The following ZNF516 variants were observed in gnomAD, a reference collection of about 807,000 sequenced individuals.
ZNF516 encodes the protein zinc finger protein 516.
Under a neutral mutation model 79.7 loss-of-function variants are expected in ZNF516, and 19 were observed. The observed-to-expected ratio is 0.24, with a 90% CI of 0.17 to 0.35. ZNF516 has a LOEUF of 0.35. ZNF516 is among the 10% of genes least tolerant of loss of function. ZNF516 has a pLI of 1.00. For missense variants in ZNF516, 1,678 were observed against 1,679.5 expected (o/e 1.00, Z 0.02); for synonymous variants, 877 against 739.5 (o/e 1.19, Z -3.02).
chr18:76,455,974 C>A (rs1912699754), intron 2 of ZNF516, among the ~76,000 whole-genome samples: 1 of 152,110 alleles, frequency 6.6e-6, no homozygotes, highest in Non-Finnish European at 1.5e-5. Context: ...ATTGTTACCT[C>A]CCTGTTCCCC....
intron 1 of ZNF516, among the ~76,000 whole-genome samples, chr18:76,478,206 C>T (rs1263247523): frequency 1.3e-5 from 2 of 152,090 alleles, no homozygotes; most frequent in South Asian, 4.1e-4. Context: ...ATGAAGACTG[C>T]GGAGAGGAGA....
rs188854108 is a variant in ZNF516 at position 76,423,226 on chromosome 18, A to T, written c.1810+18019T>A. 1.2e-4 allele frequency among the ~76,000 whole-genome samples: 18 copies of T among 152,390 alleles called. No individual in the cohort carries two copies. In the East Asian group the frequency reaches 3.5e-3, roughly 29 times the overall value. On this transcript the variant is annotated intron_variant, in intron 3 of 6. Transcript: ENST00000443185. ...AAAACAGCCACAAGTTTTACAAGCT[A>T]GGAAAGGAAAAGCTGCACAGATCAA...
At chr18:76,429,789 A>G (rs896550592) in intron 3 of ZNF516, among the ~76,000 whole-genome samples, 11 of 152,216 alleles carry the variant, frequency 7.2e-5, no homozygotes, top group Non-Finnish European at 1.0e-4. Flanking sequence ...TGATGCGCCG[A>G]GCAGTGGCTA....
At chr18:76,375,566 G>A (rs528591723) in intron 4 of ZNF516, among the ~76,000 whole-genome samples, 30 of 151,630 alleles carry the variant, frequency 2.0e-4, no homozygotes, top group African/African-American at 5.1e-4. Context: ...ACAAGGTCCC[G>A]GAGACCAGGG....
At chr18:76,425,310 G>A (rs1242677296) in intron 3 of ZNF516, among the ~76,000 whole-genome samples, 1 of 152,228 alleles carries the variant, frequency 6.6e-6, no homozygotes, top group Non-Finnish European at 1.5e-5. Context: ...TGCAAGCACA[G>A]GACACAGAAT....
intron 3 of ZNF516, among the ~76,000 whole-genome samples, chr18:76,426,227 G>A (rs1251346610): frequency 2.0e-5 from 3 of 152,194 alleles, no homozygotes; most frequent in Non-Finnish European, 4.4e-5. Flanking sequence ...AGCAAACTCT[G>A]AAGGGTCTCC....
chr18:76,406,766 CTT>C (rs1282224918), intron 3 of ZNF516, among the ~76,000 whole-genome samples: 1 of 152,188 alleles, frequency 6.6e-6, no homozygotes, highest in African/African-American at 2.4e-5. Flanking sequence ...AAATTACCCT[CTT>C]TCTCACCATC....
intron 3 of ZNF516, among the ~76,000 whole-genome samples, chr18:76,402,491 ACAGGACAGAC>A (rs1389261529): frequency 6.6e-6 from 1 of 152,130 alleles, no homozygotes; most frequent in Admixed American, 6.5e-5. Flanking sequence ...CACCCACGTG[ACAGGACAGAC>A]CATGGACCAA....
At chr18:76,372,520 G>T (rs906416157) in intron 4 of ZNF516, among the ~76,000 whole-genome samples, 3 of 152,216 alleles carry the variant, frequency 2.0e-5, no homozygotes, top group Non-Finnish European at 4.4e-5. Context: ...GAGTTTTTAT[G>T]TATCTAAAGG....
intron 4 of ZNF516, among the ~76,000 whole-genome samples, chr18:76,376,252 T>G (rs958508606): frequency 5.9e-5 from 9 of 152,134 alleles, no homozygotes; most frequent in Non-Finnish European, 1.2e-4. Flanking sequence ...ACTTCTCAGG[T>G]GCACTGACCA....
intron 3 of ZNF516, among the ~76,000 whole-genome samples, chr18:76,424,482 C>T (rs1195368713): frequency 1.2e-4 from 18 of 146,364 alleles, no homozygotes; most frequent in Non-Finnish European, 2.5e-4. Context: ...AAGGTTCCCA[C>T]ATGAAACACA....
At chr18:76,485,056 T>G (rs1384674330) in intron 1 of ZNF516, among the ~76,000 whole-genome samples, 1 of 152,138 alleles carries the variant, frequency 6.6e-6, no homozygotes, top group Non-Finnish European at 1.5e-5. Flanking sequence ...ACACTTTTAT[T>G]TTTTAAGTTG....
At chr18:76,488,997 G>A (rs1915000464) in intron 1 of ZNF516, among the ~76,000 whole-genome samples, 1 of 152,108 alleles carries the variant, frequency 6.6e-6, no homozygotes, top group African/African-American at 2.4e-5. Context: ...TATTATACAG[G>A]AAAGTGCACA....
intron 3 of ZNF516, among the ~76,000 whole-genome samples, chr18:76,404,462 T>C (rs1406249204): frequency 6.6e-6 from 1 of 152,028 alleles, no homozygotes; most frequent in Non-Finnish European, 1.5e-5. Context: ...TGTGAGCAAG[T>C]TTGTGTTTGT....
intron 3 of ZNF516, among the ~76,000 whole-genome samples, chr18:76,418,485 ACACT>A (rs1257173314): frequency 4.7e-4 from 72 of 152,288 alleles, no homozygotes; most frequent in African/African-American, 1.6e-3. Context: ...ATGCTGTAAC[ACACT>A]AACATACGCT....
chr18:76,370,112 C>A (rs898876623), intron 6 of ZNF516, among the ~76,000 whole-genome samples: 1 of 152,234 alleles, frequency 6.6e-6, no homozygotes, highest in East Asian at 1.9e-4. Flanking sequence ...CACAAAGCCG[C>A]AAGACACCAC....
At chr18:76,456,983 G>C (rs189119198) in intron 2 of ZNF516, among the ~76,000 whole-genome samples, 27 of 152,324 alleles carry the variant, frequency 1.8e-4, no homozygotes, top group African/African-American at 6.5e-4. Flanking sequence ...TGTTTTATCT[G>C]CAACAGTGGA....
At chr18:76,488,770 A>G (rs1229270398) in intron 1 of ZNF516, among the ~76,000 whole-genome samples, 1 of 152,240 alleles carries the variant, frequency 6.6e-6, no homozygotes, top group Non-Finnish European at 1.5e-5. Context: ...TATCACTGAG[A>G]AAGTTACACA....
rs1372951277 is a variant in ZNF516 at position 76,493,461 on chromosome 18, T to C, written c.-272+1683A>G. The C allele has an allele frequency of 2.6e-5, 4 of 152,452 alleles. No homozygotes were observed. The highest frequency in any genetic ancestry group is 9.6e-5 in the African/African-American group (4 of 41,458). 9.4% of individuals were successfully genotyped at this position (152,452 alleles called of 1,614,324 possible). A position where few individuals can be genotyped will look rare whatever the true frequency, so the allele number is the denominator to read the frequency against. Reference sequence around the variant, plus strand: ...TCAGATTGTAACAAACACTCGTTCCTAATTTATGAACTCGCCGTTTTGATT... The same window carrying C: ...TCAGATTGTAACAAACACTCGTTCCCAATTTATGAACTCGCCGTTTTGATT... On this transcript the variant is annotated intron_variant, in intron 1 of 6. Transcript: ENST00000443185. The surrounding 1 kb of genome is among the most constrained non-coding windows in gnomAD (Gnocchi z 5.2).
Sources: gnomAD v4.1 joint callset for allele counts (sites outside exome capture counted in the v4.1 genomes callset) on GRCh38, gnomAD v4.1.1 for gene constraint, Gnocchi (gnomAD v3.1) non-coding constraint, MANE v1.5 for transcripts, NCBI Gene and HGNC (gene_info 2026-07-23, HGNC 2026-07-21) for gene names.